Variants in PLCB4 observed in about 807,000 individuals in gnomAD.
The protein encoded by PLCB4 is 1-phosphatidylinositol 4,5-bisphosphate phosphodiesterase beta-4.
A neutral mutation model predicts 178.8 loss-of-function variants in PLCB4; 77 were observed. The ratio of observed to expected loss-of-function variants is 0.43; its 90% CI spans 0.36 to 0.52. PLCB4 has a LOEUF of 0.52. PLCB4 is among the 20% of genes least tolerant of loss of function. PLCB4 has a pLI of 0.00. For synonymous variants in PLCB4, 496 were observed against 490.8 expected, an observed-to-expected ratio of 1.01 and a Z score of -0.14; for missense variants, 1,024 against 1,453.4, an observed-to-expected ratio of 0.70 and a Z score of 4.80.
At chr20:9,467,464 G>A (rs1276503492) in intron 35 of PLCB4, among the ~76,000 whole-genome samples, 2 of 152,180 alleles carry the variant, frequency 1.3e-5, no homozygotes, top group African/African-American at 4.8e-5. Context: ...ATCCATGGCA[G>A]AAGCACTTTT....
chr20:9,303,905 C>G (rs1376277190), intron 3 of PLCB4, among the ~76,000 whole-genome samples: 1 of 151,958 alleles, frequency 6.6e-6, no homozygotes, highest in Admixed American at 6.6e-5. Flanking sequence ...AGAATATTCA[C>G]ATTCTCATTC....
At chr20:9,429,694 T>C (rs748320495) in intron 28 of PLCB4, among the ~76,000 whole-genome samples, 1 of 152,258 alleles carries the variant, frequency 6.6e-6, no homozygotes, top group Non-Finnish European at 1.5e-5. Flanking sequence ...TTTTTTGATA[T>C]GCAGCACTCT....
chr20:9,455,009 A>G (rs1247997835), intron 33 of PLCB4, among the ~76,000 whole-genome samples: 1 of 152,208 alleles, frequency 6.6e-6, no homozygotes, highest in Admixed American at 6.5e-5. Context: ...CTCGGAGCTC[A>G]TGTGGCAATA....
At chr20:9,133,191 T>G (rs186252836) in intron 2 of PLCB4, among the ~76,000 whole-genome samples, 34 of 152,186 alleles carry the variant, frequency 2.2e-4, no homozygotes, top group African/African-American at 8.2e-4. Context: ...TTGCTTATGT[T>G]GTTCTCATAG....
intron 19 of PLCB4, among the ~76,000 whole-genome samples, chr20:9,397,036 A>AT (rs1315939408): frequency 6.6e-6 from 1 of 152,200 alleles, no homozygotes; most frequent in Non-Finnish European, 1.5e-5. Flanking sequence ...TCTCTGTAGC[A>AT]TGCAGTGCCA....
chr20:9,336,286 A>T (rs1413936569), intron 4 of PLCB4, among the ~76,000 whole-genome samples: 3 of 152,140 alleles, frequency 2.0e-5, no homozygotes, highest in African/African-American at 7.2e-5. Flanking sequence ...TTTCATTCAC[A>T]TGGATTTTTC....
intron 2 of PLCB4, among the ~76,000 whole-genome samples, chr20:9,152,866 C>T (rs566132879): frequency 6.6e-6 from 1 of 152,198 alleles, no homozygotes; most frequent in Non-Finnish European, 1.5e-5. Context: ...GGAGGCTGTA[C>T]CCTGCAAAGC....
At chr20:9,294,862 C>T (rs1288807094) in intron 3 of PLCB4, among the ~76,000 whole-genome samples, 1 of 152,114 alleles carries the variant, frequency 6.6e-6, no homozygotes, top group East Asian at 1.9e-4. Context: ...AACCAATAAT[C>T]TAAGGCAAAT....
intron 2 of PLCB4, among the ~76,000 whole-genome samples, chr20:9,107,906 G>A (rs1029853075): frequency 5.9e-5 from 9 of 152,104 alleles, no homozygotes; most frequent in Admixed American, 5.9e-4. Flanking sequence ...GAGGGATGGA[G>A]GTGGTTTGAA....
At chr20:9,282,734 T>C (rs1014147970) in intron 3 of PLCB4, among the ~76,000 whole-genome samples, 2 of 151,334 alleles carry the variant, frequency 1.3e-5, no homozygotes, top group Non-Finnish European at 2.9e-5. Context: ...CAGTTCTCTG[T>C]ATTTGTTGAG....
chr20:9,385,302 G>A (rs999908915), intron 14 of PLCB4, among the ~76,000 whole-genome samples: 4 of 152,068 alleles, frequency 2.6e-5, no homozygotes, highest in African/African-American at 4.8e-5. Flanking sequence ...ATCATGGCCC[G>A]TTCTCGATGG....
intron 25 of PLCB4, among the ~76,000 whole-genome samples, chr20:9,412,635 G>T (rs2039939025): frequency 6.6e-6 from 1 of 152,160 alleles, no homozygotes; most frequent in Non-Finnish European, 1.5e-5. Context: ...CAACAATCGT[G>T]CTAGTTCAGT....
chr20:9,142,583 T>A (rs1248285395), intron 2 of PLCB4, among the ~76,000 whole-genome samples: 1 of 152,164 alleles, frequency 6.6e-6, no homozygotes, highest in African/African-American at 2.4e-5. Flanking sequence ...CTTCAGATAC[T>A]GACATCTAAT....
rs142602404 is a variant in PLCB4, at chr20:9,161,184, C to T, written c.-78-56206C>T. ...AAGGTTTGTAATTAGTCCAATGCCC[C>T]ATAAACAGCTGGTACATAATGGGGC... is the stretch of plus-strand genomic sequence containing the variant. On this transcript the variant is annotated intron_variant, in intron 2 of 39. Transcript: ENST00000378473. 3.9e-5 allele frequency among the ~76,000 whole-genome samples: 6 copies of T among 152,286 alleles called. No individual in the cohort carries two copies. In the East Asian group the frequency reaches 1.2e-3, roughly 29 times the overall value.
intron 36 of PLCB4, among the ~76,000 whole-genome samples, chr20:9,472,567 T>A (rs1408925380): frequency 6.6e-6 from 1 of 152,198 alleles, no homozygotes; most frequent in African/African-American, 2.4e-5. Flanking sequence ...GAGATAAACA[T>A]GGCAAAACAT....
intron 3 of PLCB4, among the ~76,000 whole-genome samples, chr20:9,286,600 G>T (rs922087020): frequency 1.3e-5 from 2 of 152,006 alleles, no homozygotes; most frequent in South Asian, 4.1e-4. Context: ...ATAGTACTCT[G>T]CAGAGAACTA....
intron 2 of PLCB4, among the ~76,000 whole-genome samples, chr20:9,155,447 T>C (rs1391210368): frequency 6.6e-6 from 1 of 152,090 alleles, no homozygotes; most frequent in Admixed American, 6.6e-5. Flanking sequence ...TTACAAAGGG[T>C]GTGGAAAGCT....
At position 9,409,151 on chromosome 20, in the gene PLCB4, C is replaced by T; in HGVS notation, c.1969C>T (p.Gln657Ter). Residue 657 changes from glutamine (Q) to a stop codon, truncating the protein, a stop_gained, in exon 24 of 40, where the codon CAG becomes TAG. Coordinates refer to ENST00000378473, the MANE Select transcript of PLCB4 (RefSeq NM_001377142.1). LOFTEE classifies it high-confidence loss of function. ...TCAGATTTTCTGGAACGCTGGCTGCCAGATGGTTTCACTGAACTATCAAAC... is the reference window on the plus strand; with the variant it reads ...TCAGATTTTCTGGAACGCTGGCTGCTAGATGGTTTCACTGAACTATCAAAC... ...MPQIFWNAGC[Q>*]MVSLNYQTPD... 1 of 1,605,280 alleles carries T rather than the reference C, an allele frequency of 6.2e-7. No individual in the cohort carries two copies. The highest frequency in any genetic ancestry group is 8.5e-7 in the Non-Finnish European group (1 of 1,178,110).
chr20:9,240,767 T>C (rs557604355), intron 3 of PLCB4, among the ~76,000 whole-genome samples: 2 of 152,234 alleles, frequency 1.3e-5, no homozygotes, highest in East Asian at 3.9e-4. Flanking sequence ...CAGTTCTCTT[T>C]GTTATTCCCT....
Sources: allele counts gnomAD v4.1 joint callset (sites outside exome capture counted in the v4.1 genomes callset), GRCh38; gene constraint gnomAD v4.1.1; transcripts MANE v1.5; gene names NCBI Gene and HGNC (gene_info 2026-07-23, HGNC 2026-07-21).